The following HMGA2 variants were observed in gnomAD, a reference collection of about 807,000 sequenced individuals.
The protein encoded by HMGA2 is high mobility group AT-hook 2, also known as high mobility group protein HMGI-C.
In HMGA2, 8 loss-of-function variants were observed where a neutral mutation model predicts 19.1. The ratio of observed to expected loss-of-function variants is 0.42; its 90% confidence interval spans 0.25 to 0.76. The LOEUF (loss-of-function observed/expected upper bound fraction) is 0.76. Ranked by LOEUF, HMGA2 falls within the 30% of genes least tolerant of loss-of-function variation. The pLI, the probability that HMGA2 is intolerant of heterozygous loss-of-function variation, is 0.28. For synonymous variants in HMGA2, 60 were observed against 48.8 expected (o/e 1.23, Z -0.96); for missense variants, 109 against 136.3 (o/e 0.80, Z 1.00).
intron 3 of HMGA2, among the ~76,000 whole-genome samples, chr12:65,922,793 A>AG (rs1875363173): frequency 6.6e-6 from 1 of 152,142 alleles, no homozygotes; most frequent in Non-Finnish European, 1.5e-5. Flanking sequence ...AGAAGGACCC[A>AG]GGGGAGATAA....
intron 3 of HMGA2, among the ~76,000 whole-genome samples, chr12:65,951,072 T>G (rs1876441548): frequency 1.3e-5 from 2 of 152,008 alleles, no homozygotes; most frequent in East Asian, 1.9e-4. Context: ...GGGACTACAG[T>G]TGCAACGCCA....
At chr12:65,853,626 G>A (rs1051382124) in intron 3 of HMGA2, among the ~76,000 whole-genome samples, 6 of 152,100 alleles carry the variant, frequency 3.9e-5, no homozygotes, top group East Asian at 1.9e-4. Context: ...TCGCTTAATC[G>A]TTTTTGGCCT....
chr12:65,855,487 C>CAT (rs1871692434), intron 3 of HMGA2, among the ~76,000 whole-genome samples: 1 of 151,596 alleles, frequency 6.6e-6, no homozygotes, highest in Admixed American at 6.6e-5. Context: ...CACACACACA[C>CAT]ACAGAGCAAA....
At chr12:65,944,071 A>G (rs1876179795) in intron 3 of HMGA2, among the ~76,000 whole-genome samples, 1 of 152,192 alleles carries the variant, frequency 6.6e-6, no homozygotes, top group Non-Finnish European at 1.5e-5. Flanking sequence ...ACAATGTTGC[A>G]TCAACATTTG....
intron 3 of HMGA2, among the ~76,000 whole-genome samples, chr12:65,910,500 A>G (rs1051329188): frequency 6.6e-6 from 1 of 152,170 alleles, no homozygotes; most frequent in Non-Finnish European, 1.5e-5. Flanking sequence ...AATGTTATAG[A>G]TTATTGAGTA....
intron 3 of HMGA2, among the ~76,000 whole-genome samples, chr12:65,872,225 G>A (rs550912472): frequency 1.4e-4 from 22 of 152,078 alleles, no homozygotes; most frequent in Non-Finnish European, 2.4e-4. Context: ...CTCAGTCCCC[G>A]TCCTGATGTC....
intron 3 of HMGA2, among the ~76,000 whole-genome samples, chr12:65,927,087 A>G (rs1427283946): frequency 6.6e-6 from 1 of 152,174 alleles, no homozygotes; most frequent in Non-Finnish European, 1.5e-5. Context: ...CTTTCAACAC[A>G]CGGGAGTTTT....
chr12:65,853,438 G>A (rs1416350611), intron 3 of HMGA2, among the ~76,000 whole-genome samples: 4 of 151,996 alleles, frequency 2.6e-5, no homozygotes, highest in African/African-American at 7.3e-5. Flanking sequence ...TTAATTATGG[G>A]GCTGAAAGTA....
chr12:65,963,414 G>A lies in HMGA2; in HGVS notation c.*122G>A, dbSNP rs1046098687. ...TCCACTTTCATCTGGGGTGGGGTGG[G>A]GTGGGGTGGGGGAGGGGGGGGTGGG... On this transcript the variant is annotated 3_prime_UTR_variant, in exon 5 of 5. Coordinates refer to ENST00000403681, the MANE Select transcript of HMGA2 (RefSeq NM_003483.6). 2.9e-6 allele frequency: 1 copy of A among 349,650 alleles called. No homozygotes were observed. The highest frequency in any genetic ancestry group is 2.4e-5 in the African/African-American group (1 of 41,842). 21.7% of individuals were successfully genotyped at this position (349,650 alleles called of 1,614,324 possible).
At chr12:65,906,825 G>A (rs905306910) in intron 3 of HMGA2, among the ~76,000 whole-genome samples, 9 of 152,166 alleles carry the variant, frequency 5.9e-5, no homozygotes, top group African/African-American at 9.7e-5. Context: ...TAGATTGTAC[G>A]TTCTTTGAGG....
chr12:65,838,991 TC>T (rs1565703143), intron 3 of HMGA2, among the ~76,000 whole-genome samples: 30 of 143,384 alleles, frequency 2.1e-4, no homozygotes, highest in African/African-American at 8.0e-4. Context: ...TCTTTCTTTT[TC>T]TTTTTCTTTT....
chr12:65,943,852 G>A (rs941576620), intron 3 of HMGA2, among the ~76,000 whole-genome samples: 1 of 152,222 alleles, frequency 6.6e-6, no homozygotes, highest in Non-Finnish European at 1.5e-5. Context: ...TGGAAGTTAA[G>A]ACCTAACCTA....
intron 3 of HMGA2, among the ~76,000 whole-genome samples, chr12:65,928,331 C>T (rs1237885695): frequency 6.6e-6 from 1 of 152,136 alleles, no homozygotes; most frequent in Non-Finnish European, 1.5e-5. Context: ...GGGCACTTAC[C>T]ATGGATGGAA....
chr12:65,907,997 T>C (rs999876770), intron 3 of HMGA2, among the ~76,000 whole-genome samples: 2 of 152,188 alleles, frequency 1.3e-5, no homozygotes, highest in Admixed American at 1.3e-4. Flanking sequence ...CAAATCTTTG[T>C]CCTTTAAATA....
intron 3 of HMGA2, among the ~76,000 whole-genome samples, chr12:65,937,402 C>G (rs1240542562): frequency 6.6e-6 from 1 of 151,988 alleles, no homozygotes; most frequent in Admixed American, 6.5e-5. Context: ...CCAAGCACAA[C>G]CCCAGGTTCT....
intron 2 of HMGA2, among the ~76,000 whole-genome samples, chr12:65,831,304 T>C (rs1870465745): frequency 1.3e-5 from 2 of 151,880 alleles, no homozygotes. Context: ...TTTTTAATCA[T>C]GACAGAATAC....
intron 4 of HMGA2, chr12:65,956,597 A>G (rs1436884032): frequency 6.6e-6 from 1 of 152,240 alleles, no homozygotes; most frequent in Non-Finnish European, 1.5e-5. Flanking sequence ...TGTTTTATAG[A>G]GATGACAACT....
Position 65,869,795 on chromosome 12 carries a change from A to G in HMGA2, c.249+31226A>G, listed in dbSNP as rs531500921. Among the ~76,000 whole-genome samples, 160 of 152,320 alleles carry G rather than the reference A, an allele frequency of 1.1e-3. 1 individual carries two copies. The highest frequency in any genetic ancestry group is 3.7e-3 in the African/African-American group (153 of 41,560). ...AAAAACATATTTTATTGACAGTTGT[A>G]TAAATGAAGAAAACAAGTCTCAGAA... On this transcript the variant is annotated intron_variant, in intron 3 of 4. Coordinates refer to ENST00000403681, the MANE Select transcript of HMGA2 (RefSeq NM_003483.6).
At chr12:65,872,837 G>A (rs566021425) in intron 3 of HMGA2, among the ~76,000 whole-genome samples, 2 of 152,254 alleles carry the variant, frequency 1.3e-5, no homozygotes, top group African/African-American at 4.8e-5. Context: ...TTCACCCAAG[G>A]AAGTCTGAAC....
Sources: allele counts gnomAD v4.1 joint callset (sites outside exome capture counted in the v4.1 genomes callset), GRCh38; gene constraint gnomAD v4.1.1; transcripts MANE v1.5; gene names NCBI Gene and HGNC (gene_info 2026-07-23, HGNC 2026-07-21).